The following PCDHA7 variants were observed in gnomAD, a reference collection of about 807,000 sequenced individuals.
PCDHA7 encodes protocadherin alpha 7, also known as protocadherin alpha-7.
A neutral mutation model predicts 57.2 loss-of-function variants in PCDHA7; 37 were observed. The observed-to-expected ratio is 0.65, with a 90% CI of 0.50 to 0.85. PCDHA7 has a LOEUF of 0.85. Among genes scored for constraint, PCDHA7 ranks in the 40% least tolerant of loss-of-function variants. The probability of loss-of-function intolerance (pLI) is 0.00; values close to 1 mark genes in which losing one functional copy is unlikely to be tolerated. For missense variants in PCDHA7, 1,188 were observed against 1,241.8 expected (o/e 0.96, Z 0.65); for synonymous variants, 553 against 558.8 (o/e 0.99, Z 0.15).
intron 1 of PCDHA7, among the ~76,000 whole-genome samples, chr5:140,908,393 A>G (rs1295544122): frequency 2.0e-5 from 3 of 152,132 alleles, no homozygotes; most frequent in Non-Finnish European, 4.4e-5. Context: ...CCGATCACAT[A>G]TATACCACTT....
At chr5:140,934,690 T>C (rs1263392505) in intron 1 of PCDHA7, among the ~76,000 whole-genome samples, 1 of 152,198 alleles carries the variant, frequency 6.6e-6, no homozygotes, top group Non-Finnish European at 1.5e-5. Flanking sequence ...AAACAATGAA[T>C]TGATTCCTGG....
Position 140,879,336 on chromosome 5 carries a change from AG to A in PCDHA7, c.2355+42599del, listed in dbSNP as rs1391403992. Among the ~76,000 whole-genome samples, 16 of 152,362 alleles carry A rather than the reference AG, an allele frequency of 1.1e-4. No individual in the cohort carries two copies. In the East Asian group the frequency reaches 2.9e-3, roughly 28 times the overall value. ...TGACTCTCACTTTTTTAGTTTGTTC[AG>A]CTGAGAAGATGACATTGCCATTAAC... On this transcript the variant is annotated intron_variant, in intron 1 of 3. Transcript: ENST00000525929.
intron 1 of PCDHA7, among the ~76,000 whole-genome samples, chr5:140,919,029 A>C (rs1474107507): frequency 6.6e-6 from 1 of 152,126 alleles, no homozygotes; most frequent in Non-Finnish European, 1.5e-5. Flanking sequence ...TCTTCTGCCT[A>C]GTTGTTGTCC....
chr5:140,914,504 T>A (rs1554196424), intron 1 of PCDHA7, among the ~76,000 whole-genome samples: 1 of 152,202 alleles, frequency 6.6e-6, no homozygotes, highest in Non-Finnish European at 1.5e-5. Flanking sequence ...AACAGATCAT[T>A]GGGTCATGTT....
chr5:140,945,701 CA>C (rs1563215722), intron 1 of PCDHA7, among the ~76,000 whole-genome samples: 1 of 151,988 alleles, frequency 6.6e-6, no homozygotes, highest in Non-Finnish European at 1.5e-5. Context: ...CACTGATTTG[CA>C]ACAAAAGTAT....
chr5:140,958,900 C>T (rs246008), intron 1 of PCDHA7, among the ~76,000 whole-genome samples: 85,461 of 151,702 alleles, frequency 0.56, 24,676 homozygotes, highest in African/African-American at 0.69. Flanking sequence ...ATAATAGATA[C>T]AGAAAAGTCT....
In PCDHA7 at chr5:140,847,905, T is replaced by C. The variant is rs2150241062; in HGVS notation, c.2355+11167T>C. 2 of 150,078 alleles carry C rather than the reference T, an allele frequency of 1.3e-5. 1 individual carries two copies. The highest frequency in any genetic ancestry group is 4.2e-4 in the South Asian group (2 of 4,724). The allele number at this position is 150,078 out of a possible 1,614,324, so 9.3% of individuals were successfully genotyped here. A position where few individuals can be genotyped will look rare whatever the true frequency, so the allele number is the denominator to read the frequency against. ...AGTTTCTTTTTCATCAGTAGATTTC[T>C]GGGCTCCTATATTCACTAGAGATTG... is the stretch of plus-strand genomic sequence containing the variant. On this transcript the variant is annotated intron_variant, in intron 1 of 3. Coordinates refer to ENST00000525929, the MANE Select transcript of PCDHA7 (RefSeq NM_018910.3).
At chr5:140,931,269 C>T (rs1253190149) in intron 1 of PCDHA7, among the ~76,000 whole-genome samples, 1 of 152,006 alleles carries the variant, frequency 6.6e-6, no homozygotes, top group Non-Finnish European at 1.5e-5. Context: ...CTATTTATTT[C>T]TTTTATTTTC....
At chr5:140,856,326 A>G in intron 1 of PCDHA7, 1 of 1,598,548 alleles carries the variant, frequency 6.3e-7, no homozygotes, top group Non-Finnish European at 8.6e-7. Context: ...GACCGCGAGG[A>G]GCTGTGCGGG....
intron 1 of PCDHA7, among the ~76,000 whole-genome samples, chr5:140,975,395 C>T (rs2096665697): frequency 6.6e-6 from 1 of 152,246 alleles, no homozygotes; most frequent in Admixed American, 6.5e-5. Flanking sequence ...AGATCCATCA[C>T]AATCACAGTC....
rs782495760 is a variant in PCDHA7 at position 141,010,201 on chromosome 5, C to T, written c.*264C>T. Reference sequence around the variant, plus strand: ...GCAGACCCAAGTTTCCTTTCTCCTCCGCCGCAAAGGAGAGGCTTCCCAGCC... The same window carrying T: ...GCAGACCCAAGTTTCCTTTCTCCTCTGCCGCAAAGGAGAGGCTTCCCAGCC... On this transcript the variant is annotated 3_prime_UTR_variant, in exon 4 of 4. Coordinates refer to ENST00000525929, the MANE Select transcript of PCDHA7 (RefSeq NM_018910.3). The T allele has an allele frequency of 1.3e-5, 20 of 1,552,034 alleles. No individual in the cohort carries two copies. The East Asian group carries it at 1.7e-4, about 13-fold the overall frequency.
chr5:140,933,503 AAAGACT>A (rs2089194435), intron 1 of PCDHA7, among the ~76,000 whole-genome samples: 1 of 152,098 alleles, frequency 6.6e-6, no homozygotes, highest in Non-Finnish European at 1.5e-5. Flanking sequence ...ATTGTTAAGC[AAAGACT>A]ACAGCTGTTT....
At chr5:140,882,225 C>T (rs782533520) in intron 1 of PCDHA7, 9 of 1,559,344 alleles carry the variant, frequency 5.8e-6, no homozygotes, top group Middle Eastern at 1.7e-4. Flanking sequence ...TGAGGTAAGG[C>T]GTTGTATATA....
chr5:140,927,236 T>G, intron 1 of PCDHA7: 1 of 1,614,120 alleles, frequency 6.2e-7, no homozygotes, highest in Non-Finnish European at 8.5e-7. Context: ...ATTCACGTCC[T>G]GGACACCAAT....
At chr5:140,979,109 G>A (rs979649515) in intron 2 of PCDHA7, 102 bp downstream of exon 2, 1 of 1,524,682 alleles carries the variant, frequency 6.6e-7, no homozygotes, top group Admixed American at 2.3e-5. Context: ...AAACTAAAAA[G>A]CTTTAGGTAC....
chr5:141,009,563 C>A, intron 3 of PCDHA7, 64 bp from the exon 4 acceptor site: 1 of 1,571,920 alleles, frequency 6.4e-7, no homozygotes, highest in Non-Finnish European at 8.6e-7. Flanking sequence ...TGTACTCTAC[C>A]AGCAGTGTGG....
intron 1 of PCDHA7, chr5:140,851,030 T>G (rs1462203945): frequency 1.4e-6 from 2 of 1,410,502 alleles, no homozygotes; most frequent in Non-Finnish European, 1.9e-6. Context: ...AGTAAACCCC[T>G]TAACATTGGA....
At chr5:140,875,397 G>T in intron 1 of PCDHA7, 2 of 1,480,686 alleles carry the variant, frequency 1.4e-6, no homozygotes, top group South Asian at 1.4e-5. Flanking sequence ...AGAAAAGGGT[G>T]ACTGCTCATA....
At position 140,834,491 on chromosome 5, in the gene PCDHA7, C is replaced by G. The variant is rs2150219703; in HGVS notation, c.108C>G (p.Pro36=). The G allele has an allele frequency of 1.0e-4, 164 of 1,614,076 alleles. No individual in the cohort carries two copies. Among genetic ancestry groups the G allele is most frequent in the Non-Finnish European group, 1.3e-4 (151 of 1,180,020 alleles). Residue 36 remains proline (P), a synonymous_variant, in exon 1 of 4, where the codon CCC becomes CCG. Coordinates refer to ENST00000525929, the MANE Select transcript of PCDHA7 (RefSeq NM_018910.3). ...AGRGQLHYSV[P]EEAKHGNFVG... is the part of the protein sequence containing the mutation. ...GAGGCCAGCTCCACTACTCGGTCCC[C>G]GAGGAGGCTAAACATGGCAACTTCG... is the stretch of plus-strand genomic sequence containing the variant.
Sources: gnomAD v4.1 joint callset for allele counts (sites outside exome capture counted in the v4.1 genomes callset) on GRCh38, gnomAD v4.1.1 for gene constraint, MANE v1.5 for transcripts, NCBI Gene and HGNC (gene_info 2026-07-23, HGNC 2026-07-21) for gene names.